Variants in PCNX2 observed in about 807,000 individuals in gnomAD.
The protein encoded by PCNX2 is pecanex-like protein 2.
A neutral mutation model predicts 223.8 loss-of-function variants in PCNX2; 168 were observed. The observed-to-expected ratio is 0.75, with a 90% CI of 0.66 to 0.85. The LOEUF (loss-of-function observed/expected upper bound fraction) is 0.85. Among genes scored for constraint, PCNX2 ranks in the 40% least tolerant of loss-of-function variants. The pLI is 0.00. For missense variants in PCNX2, 2,507 were observed against 2,675.5 expected, an observed-to-expected ratio of 0.94 and a Z score of 1.39; for synonymous variants, 1,006 against 1,052.6, an observed-to-expected ratio of 0.96 and a Z score of 0.86.
intron 17 of PCNX2, among the ~76,000 whole-genome samples, chr1:233,174,138 T>A (rs1679329526): frequency 1.4e-5 from 2 of 144,150 alleles, no homozygotes; most frequent in African/African-American, 2.5e-5. Flanking sequence ...ATATATTATA[T>A]GTAATATATA....
At position 232,990,378 on chromosome 1, in the gene PCNX2, TG is replaced by T. The variant is rs1669653658; in HGVS notation, c.5792-3839del. 6.6e-6 allele frequency among the ~76,000 whole-genome samples: 1 copy of T among 152,208 alleles called. No homozygotes were observed. Among genetic ancestry groups the T allele is most frequent in the Non-Finnish European group, 1.5e-5 (1 of 68,048 alleles). Reference sequence around the variant, plus strand: ...TCGCAGTCAGTGCTAGAGAGCCTTCTGGATAGTTGAATCACATCTTGGAGGG... The same window carrying T: ...TCGCAGTCAGTGCTAGAGAGCCTTCTGATAGTTGAATCACATCTTGGAGGG... On this transcript the variant is annotated intron_variant, in intron 32 of 33. Transcript: ENST00000258229. This position sits in a 1 kb window ranked among gnomAD's most constrained non-coding sequence, Gnocchi z 4.3.
At chr1:233,192,354 A>G (rs1156613506) in intron 15 of PCNX2, among the ~76,000 whole-genome samples, 1 of 152,196 alleles carries the variant, frequency 6.6e-6, no homozygotes, top group Non-Finnish European at 1.5e-5. Context: ...GGATCTTCAC[A>G]TTGTTTAAGA....
At chr1:233,150,871 T>C (rs1193166561) in intron 19 of PCNX2, among the ~76,000 whole-genome samples, 1 of 152,060 alleles carries the variant, frequency 6.6e-6, no homozygotes, top group Non-Finnish European at 1.5e-5. Flanking sequence ...GGTCCTCAAT[T>C]AACACCAAAC....
intron 25 of PCNX2, among the ~76,000 whole-genome samples, chr1:233,027,161 G>C (rs1198280643): frequency 6.6e-6 from 1 of 151,972 alleles, no homozygotes. Context: ...AAAGGAAGAG[G>C]GAACATCAGT....
chr1:233,048,772 G>C (rs1470388024), intron 25 of PCNX2, among the ~76,000 whole-genome samples: 1 of 151,944 alleles, frequency 6.6e-6, no homozygotes, highest in African/African-American at 2.4e-5. Flanking sequence ...GAATAACAAA[G>C]AAAAAGAGAG....
chr1:233,125,780 C>A (rs919255277), intron 21 of PCNX2: 1 of 152,148 alleles, frequency 6.6e-6, no homozygotes, highest in African/African-American at 2.4e-5. Context: ...CTGCTAGTGA[C>A]CACAATTACC....
intron 28 of PCNX2, among the ~76,000 whole-genome samples, chr1:233,008,626 C>G (rs904407533): frequency 9.2e-5 from 14 of 152,180 alleles, no homozygotes; most frequent in African/African-American, 3.4e-4. Context: ...ACCCCAGTGT[C>G]CAGTGTTCAC....
chr1:233,105,443 A>G (rs1479812201), intron 21 of PCNX2, among the ~76,000 whole-genome samples: 1 of 152,214 alleles, frequency 6.6e-6, no homozygotes, highest in African/African-American at 2.4e-5. Context: ...TAAACACTGT[A>G]TTTAGCAATA....
intron 28 of PCNX2, among the ~76,000 whole-genome samples, chr1:233,002,582 G>A (rs140213292): frequency 0.043 from 6,484 of 152,112 alleles, 427 homozygotes; most frequent in African/African-American, 0.14. Context: ...CATACTGCCC[G>A]AAGTAATTTA....
At chr1:233,323,946 T>C in the PCNX2 span, among the ~76,000 whole-genome samples, 1 of 152,218 alleles carries the variant, frequency 6.6e-6, no homozygotes, top group East Asian at 1.9e-4. Flanking sequence ...GTTGCCCAAG[T>C]CATGAATGCA....
chr1:233,206,436 G>C (rs1224501602), intron 13 of PCNX2, among the ~76,000 whole-genome samples: 2 of 149,824 alleles, frequency 1.3e-5, no homozygotes, highest in Non-Finnish European at 3.0e-5. Flanking sequence ...CTCAAACTCT[G>C]ATTTTTTCAC....
intron 8 of PCNX2, among the ~76,000 whole-genome samples, chr1:233,240,508 G>A (rs1376400523): frequency 6.6e-6 from 1 of 152,150 alleles, no homozygotes; most frequent in Non-Finnish European, 1.5e-5. Context: ...AATATCCCAA[G>A]CCTGTAGTAA....
rs749185277 is a variant in PCNX2, at chr1:233,252,474, T to C, written c.2008A>G (p.Ile670Val). 1.2e-6 allele frequency: 2 copies of C among 1,610,276 alleles called. No individual in the cohort carries two copies. Among genetic ancestry groups the C allele is most frequent in the Non-Finnish European group, 8.5e-7 (1 of 1,178,028 alleles). ...AFFQGNRQRQ[I>V]IYRVTSQQDS... is the part of the protein sequence containing the mutation. ...TGTTGGGAAGTTACCCTGTAGATTA[T>C]CTGTCTTTGTCTATTGCCCTGAAAA... The change falls in exon 7 of 34, where the codon ATA becomes GTA. Residue 670 changes from isoleucine to valine, a missense_variant. Physicochemically the swap from Ile to Val is conservative, Grantham distance 29 (BLOSUM62 3). Around this residue, in one of 3 missense-constraint regions of PCNX2, gnomAD observed 1,031 missense variants for 1,021.7 expected, o/e 1.01. Coordinates refer to ENST00000258229, the MANE Select transcript of PCNX2 (RefSeq NM_014801.4).
chr1:233,292,202 CTTTTTTTT>C (rs963996089), intron 1 of PCNX2, among the ~76,000 whole-genome samples: 10 of 109,492 alleles, frequency 9.1e-5, no homozygotes, highest in East Asian at 2.7e-4. Flanking sequence ...TTCTTTCTTT[CTTTTTTTT>C]TTTTTTTTTT....
At chr1:233,324,556 G>T in the PCNX2 span, among the ~76,000 whole-genome samples, 1 of 151,570 alleles carries the variant, frequency 6.6e-6, no homozygotes, top group Non-Finnish European at 1.5e-5. Context: ...GCACAACAAA[G>T]CCTGGATGAC....
At chr1:233,301,314 T>C in the PCNX2 span, among the ~76,000 whole-genome samples, 1 of 152,166 alleles carries the variant, frequency 6.6e-6, no homozygotes, top group Non-Finnish European at 1.5e-5. Context: ...AGCAGGCCAG[T>C]ATTACAGAGA....
chr1:233,087,197 C>T (rs1673650728), intron 23 of PCNX2: 7 of 985,286 alleles, frequency 7.1e-6, no homozygotes, highest in East Asian at 2.3e-4. Context: ...GAGACCTGCA[C>T]AAACAAAAGT....
chr1:233,042,849 A>G (rs779436789), intron 25 of PCNX2, among the ~76,000 whole-genome samples: 74 of 152,246 alleles, frequency 4.9e-4, no homozygotes, highest in Non-Finnish European at 7.8e-4. Context: ...CAGTTATTTC[A>G]TGTTTAATGA....
chr1:233,134,832 T>C (rs774264501), intron 21 of PCNX2, 181 bp downstream of exon 21: 1 of 601,604 alleles, frequency 1.7e-6, no homozygotes, highest in Non-Finnish European at 2.9e-6. Context: ...TAACATGGCA[T>C]ACTTACATTC....
Sources: gnomAD v4.1 joint callset for allele counts (sites outside exome capture counted in the v4.1 genomes callset) on GRCh38, gnomAD v4.1.1 for gene constraint, gnomAD v4.1.1 regional missense constraint, Gnocchi (gnomAD v3.1) non-coding constraint, MANE v1.5 for transcripts, NCBI Gene and HGNC (gene_info 2026-07-23, HGNC 2026-07-21) for gene names.